Variants in HIGD1A observed in about 807,000 individuals in gnomAD.
HIGD1A encodes HIG1 hypoxia inducible domain family member 1A.
HIGD1A carries 8 observed loss-of-function variants against 11.3 expected under a neutral mutation model. The observed-to-expected ratio is 0.71, with a 90% confidence interval of 0.42 to 1.28. The LOEUF (loss-of-function observed/expected upper bound fraction) is 1.28, where lower values mean the gene tolerates loss of function less well. Ranked by LOEUF, HIGD1A falls within the 50% of genes most tolerant of loss-of-function variation. The pLI, the probability that HIGD1A is intolerant of heterozygous loss-of-function variation, is 0.01. For synonymous variants in HIGD1A, 32 were observed against 38.4 expected (o/e 0.83, Z 0.62); for missense variants, 107 against 118.8 (o/e 0.90, Z 0.46).
intron 1 of HIGD1A, among the ~76,000 whole-genome samples, chr3:42,796,046 A>G (rs1700494409): frequency 6.6e-6 from 1 of 152,218 alleles, no homozygotes; most frequent in South Asian, 2.1e-4. Flanking sequence ...TTTCATGTGC[A>G]TTATGCTCCC....
At chr3:42,792,934 A>T (rs1286997507) in intron 2 of HIGD1A, among the ~76,000 whole-genome samples, 3 of 151,712 alleles carry the variant, frequency 2.0e-5, no homozygotes, top group African/African-American at 2.4e-5. Context: ...GTGAGCCGAT[A>T]TCGCGCCACT....
chr3:42,785,739 A>G (rs1222724558), intron 3 of HIGD1A, among the ~76,000 whole-genome samples: 1 of 152,244 alleles, frequency 6.6e-6, no homozygotes, highest in African/African-American at 2.4e-5. Flanking sequence ...TGTCTCTCCC[A>G]GATAACAGAT....
rs1700334293 is a variant in HIGD1A at position 42,785,121 on chromosome 3, C to T, written c.*150G>A. The T allele has an allele frequency of 3.4e-6, 2 of 579,984 alleles. No individual in the cohort carries two copies. Among genetic ancestry groups the T allele is most frequent in the Admixed American group, 3.0e-5 (1 of 33,532 alleles). 35.9% of individuals were successfully genotyped at this position (579,984 alleles called of 1,614,324 possible). ...AATTCGGTCACCAAGCAAATCAAGC[C>T]TGCAAGAAAGGAAGCCAATATTCAA... On this transcript the variant is annotated 3_prime_UTR_variant, in exon 4 of 4. Transcript: ENST00000321331.
chr3:42,789,905 T>C (rs1700400481), intron 2 of HIGD1A, among the ~76,000 whole-genome samples: 1 of 151,996 alleles, frequency 6.6e-6, no homozygotes, highest in South Asian at 2.1e-4. Flanking sequence ...ATTTTTTTTG[T>C]AGAGACAGGG....
In HIGD1A at chr3:42,786,259, CTTT is replaced by C. The variant is rs1302181717; in HGVS notation, c.98-100_98-98del. 2.2e-6 allele frequency: 3 copies of C among 1,348,158 alleles called. No individual in the cohort carries two copies. In the African/African-American group the frequency reaches 4.4e-5, roughly 20 times the overall value. The allele number at this position is 1,348,158 out of a possible 1,614,324, so 83.5% of individuals were successfully genotyped here. ...ACATTCTATTATTTTTATGAGGATT[CTTT>C]ATCAGATCATTAATTAGCTAACATA... On this transcript the variant is annotated intron_variant, in intron 2 of 3. Transcript: ENST00000321331.
intron 2 of HIGD1A, among the ~76,000 whole-genome samples, chr3:42,793,356 C>T (rs992667329): frequency 1.3e-5 from 2 of 152,128 alleles, no homozygotes; most frequent in Non-Finnish European, 1.5e-5. Flanking sequence ...TCAATAAAAC[C>T]TGGTTACCAA....
chr3:42,802,325 C>T (rs1375755968), intron 1 of HIGD1A, among the ~76,000 whole-genome samples: 2 of 152,036 alleles, frequency 1.3e-5, no homozygotes, highest in Non-Finnish European at 2.9e-5. Context: ...GTAGCCCCTG[C>T]GGTAAGCATC....
chr3:42,803,496 G>A (rs546687539), intron 1 of HIGD1A, among the ~76,000 whole-genome samples: 17 of 152,274 alleles, frequency 1.1e-4, no homozygotes, highest in African/African-American at 3.1e-4. Context: ...AAGTGACTCT[G>A]GTGCACAAAG....
At chr3:42,794,691 T>C (rs531511780) in intron 1 of HIGD1A, among the ~76,000 whole-genome samples, 4 of 152,330 alleles carry the variant, frequency 2.6e-5, no homozygotes, top group African/African-American at 9.6e-5. Flanking sequence ...TTCAATATCA[T>C]GTTGGAAATC....
intron 2 of HIGD1A, among the ~76,000 whole-genome samples, chr3:42,792,498 C>T (rs1467178666): frequency 1.3e-5 from 2 of 149,416 alleles, no homozygotes; most frequent in East Asian, 2.0e-4. Flanking sequence ...ACGGTGAAAC[C>T]CTGTCTCTAC....
intron 1 of HIGD1A, chr3:42,804,228 C>A (rs1293598905): frequency 6.2e-7 from 1 of 1,607,996 alleles, no homozygotes; most frequent in Admixed American, 1.7e-5. Flanking sequence ...CCCGAAGGAC[C>A]CTAGGCCTCG....
Position 42,784,769 on chromosome 3 carries a change from A to G in HIGD1A, c.*502T>C, listed in dbSNP as rs1700329220. On this transcript the variant is annotated 3_prime_UTR_variant, in exon 4 of 4. Coordinates refer to ENST00000321331, the MANE Select transcript of HIGD1A (RefSeq NM_014056.4). ...CTGGATTTGGTTTAAACACATGCAT[A>G]TATATTGTCAATTGTGGGAAGCTTT... The G allele has an allele frequency of 2.0e-5, 3 of 153,472 alleles. No homozygotes were observed. In the Admixed American group the frequency reaches 2.0e-4, roughly 10 times the overall value. 9.5% of individuals were successfully genotyped at this position (153,472 alleles called of 1,614,324 possible).
chr3:42,801,585 G>A (rs1056097017), intron 1 of HIGD1A, among the ~76,000 whole-genome samples: 4 of 152,228 alleles, frequency 2.6e-5, no homozygotes, highest in South Asian at 4.1e-4. Flanking sequence ...GTAATATTGA[G>A]TACAAAAAAA....
intron 2 of HIGD1A, among the ~76,000 whole-genome samples, chr3:42,788,702 T>C (rs1195881579): frequency 6.6e-6 from 1 of 151,760 alleles, no homozygotes; most frequent in African/African-American, 2.4e-5. Context: ...GCCAAAATGG[T>C]GAAACCCCGT....
At chr3:42,800,547 T>C (rs1343244206) in intron 1 of HIGD1A, among the ~76,000 whole-genome samples, 3 of 152,080 alleles carry the variant, frequency 2.0e-5, no homozygotes, top group African/African-American at 7.2e-5. Context: ...TCAGATACTC[T>C]TTCCTAGCTA....
intron 2 of HIGD1A, among the ~76,000 whole-genome samples, chr3:42,787,542 G>T (rs1397985302): frequency 2.1e-5 from 3 of 142,012 alleles, no homozygotes; most frequent in African/African-American, 7.9e-5. Flanking sequence ...AGTGAGCCGA[G>T]ATCACACCAC....
intron 2 of HIGD1A, among the ~76,000 whole-genome samples, chr3:42,791,564 T>C (rs1249343570): frequency 6.6e-6 from 1 of 152,204 alleles, no homozygotes; most frequent in East Asian, 1.9e-4. Context: ...AATCATTGTT[T>C]TGGTACAATT....
intron 3 of HIGD1A, 128 bp downstream of exon 3, chr3:42,785,900 T>A (rs1337444382): frequency 2.5e-6 from 2 of 814,298 alleles, no homozygotes; most frequent in Non-Finnish European, 4.0e-6. Flanking sequence ...ATTCATTTTT[T>A]ACATGAAAAT....
Position 42,794,179 on chromosome 3 carries a change from T to C in HIGD1A, c.75A>G (p.Lys25=), listed in dbSNP as rs1205245650. The C allele has an allele frequency of 6.2e-7, 1 of 1,605,194 alleles. No individual in the cohort carries two copies. The highest frequency in any genetic ancestry group is 8.5e-7 in the Non-Finnish European group (1 of 1,177,398). ...DQGSKLIRKA[K]EAPFVPVGIA... The stretch of plus-strand genomic sequence containing the variant: ...TACCAACGGGTACGAATGGTGCCTC[T>C]TTAGCTTTTCGAATGAGTTTTGATC... The change falls in exon 2 of 4, where the codon AAA becomes AAG. Residue 25 remains lysine, a synonymous_variant. Transcript: ENST00000321331.
Sources: allele counts gnomAD v4.1 joint callset (sites outside exome capture counted in the v4.1 genomes callset), GRCh38; gene constraint gnomAD v4.1.1; transcripts MANE v1.5; gene names NCBI Gene and HGNC (gene_info 2026-07-23, HGNC 2026-07-21).